NEGR1: variants seen among roughly 807,000 people sequenced by gnomAD.
NEGR1 encodes IgLON family member 4.
A neutral mutation model predicts 40.9 loss-of-function variants in NEGR1; 10 were observed. That is an observed-to-expected ratio of 0.24 (90% CI 0.15 to 0.42). The LOEUF (loss-of-function observed/expected upper bound fraction) is 0.42, where lower values mean the gene tolerates loss of function less well. Among genes scored for constraint, NEGR1 ranks in the 10% least tolerant of loss-of-function variants. The probability of loss-of-function intolerance (pLI) is 1.00; values close to 1 mark genes in which losing one functional copy is unlikely to be tolerated. For synonymous variants in NEGR1, 185 were observed against 166.8 expected (o/e 1.11, Z -0.84); for missense variants, 352 against 438.9 (o/e 0.80, Z 1.77).
intron 6 of NEGR1, among the ~76,000 whole-genome samples, chr1:71,558,901 C>A (rs1484808361): frequency 1.3e-5 from 2 of 150,384 alleles, no homozygotes; most frequent in Non-Finnish European, 3.0e-5. Context: ...CTAGTCACTA[C>A]TGGGGTGTCA....
At chr1:71,955,353 G>C (rs1024270724) in intron 1 of NEGR1, among the ~76,000 whole-genome samples, 1 of 152,070 alleles carries the variant, frequency 6.6e-6, no homozygotes, top group Admixed American at 6.6e-5. Flanking sequence ...CTATTAAGTG[G>C]TAGTGGATCA....
chr1:71,654,827 T>G (rs1651827995), intron 4 of NEGR1, among the ~76,000 whole-genome samples: 1 of 152,178 alleles, frequency 6.6e-6, no homozygotes, highest in Admixed American at 6.5e-5. Context: ...TACATAAATT[T>G]GGGAGGTCTG....
At chr1:72,023,948 T>C (rs1646782886) in intron 1 of NEGR1, among the ~76,000 whole-genome samples, 2 of 152,182 alleles carry the variant, frequency 1.3e-5, no homozygotes, top group South Asian at 4.1e-4. Context: ...AACTATTTGA[T>C]AGCTTACAAC....
At chr1:71,562,397 G>A (rs1315835947) in intron 6 of NEGR1, among the ~76,000 whole-genome samples, 1 of 143,950 alleles carries the variant, frequency 6.9e-6, no homozygotes, top group Non-Finnish European at 1.5e-5. Context: ...AATATGAAGA[G>A]CAAATATATT....
chr1:71,504,372 A>G (rs1647018807), intron 6 of NEGR1, among the ~76,000 whole-genome samples: 1 of 152,154 alleles, frequency 6.6e-6, no homozygotes, highest in Non-Finnish European at 1.5e-5. Context: ...GTCCAAAAAA[A>G]GACTAGATCA....
chr1:71,881,234 T>C (rs547989725), intron 2 of NEGR1, among the ~76,000 whole-genome samples: 5 of 152,010 alleles, frequency 3.3e-5, no homozygotes, highest in Non-Finnish European at 5.9e-5. Context: ...AGACAGTAAG[T>C]GTCTGATGCA....
At chr1:72,140,626 T>C (rs979511438) in intron 1 of NEGR1, among the ~76,000 whole-genome samples, 1 of 152,030 alleles carries the variant, frequency 6.6e-6, no homozygotes, top group Non-Finnish European at 1.5e-5. Context: ...ATTCAAACCA[T>C]GCAAAGTAGT....
intron 1 of NEGR1, among the ~76,000 whole-genome samples, chr1:72,267,459 C>T (rs1655685676): frequency 6.6e-6 from 1 of 151,142 alleles, no homozygotes; most frequent in South Asian, 2.1e-4. Context: ...TTGTGCCCTA[C>T]TTAAAGCTAG....
At chr1:71,883,317 T>C (rs1292929233) in intron 2 of NEGR1, among the ~76,000 whole-genome samples, 1 of 152,154 alleles carries the variant, frequency 6.6e-6, no homozygotes, top group African/African-American at 2.4e-5. Flanking sequence ...TTGAAATACC[T>C]GATTTACTAT....
intron 1 of NEGR1, among the ~76,000 whole-genome samples, chr1:72,231,641 C>A (rs1312254457): frequency 1.3e-5 from 2 of 152,090 alleles, no homozygotes; most frequent in Non-Finnish European, 2.9e-5. Context: ...TTGTAATGAT[C>A]CATTCCAGAA....
intron 6 of NEGR1, among the ~76,000 whole-genome samples, chr1:71,554,399 T>C (rs1025596974): frequency 6.6e-6 from 1 of 151,492 alleles, no homozygotes; most frequent in Non-Finnish European, 1.5e-5. Flanking sequence ...TCTTACACTT[T>C]ATTTAGCAGG....
intron 6 of NEGR1, among the ~76,000 whole-genome samples, chr1:71,573,083 C>T (rs1426280717): frequency 6.6e-6 from 1 of 152,136 alleles, no homozygotes; most frequent in Non-Finnish European, 1.5e-5. Context: ...ATGACATTGC[C>T]TCTGGTTTGG....
At chr1:71,692,818 A>G (rs554750101) in intron 4 of NEGR1, among the ~76,000 whole-genome samples, 16 of 151,954 alleles carry the variant, frequency 1.1e-4, no homozygotes, top group East Asian at 9.7e-4. Flanking sequence ...AACTTATTGG[A>G]TAAAAAACTT....
At chr1:72,228,749 T>C (rs894692306) in intron 1 of NEGR1, among the ~76,000 whole-genome samples, 5 of 152,140 alleles carry the variant, frequency 3.3e-5, no homozygotes, top group African/African-American at 9.6e-5. Context: ...CATGTTTTCA[T>C]TCAGCTGTAC....
intron 6 of NEGR1, among the ~76,000 whole-genome samples, chr1:71,539,489 T>C (rs1007348351): frequency 5.3e-5 from 8 of 151,744 alleles, no homozygotes; most frequent in Admixed American, 2.0e-4. Context: ...ACTGCATTTA[T>C]TTTGTAGAGG....
intron 1 of NEGR1, among the ~76,000 whole-genome samples, chr1:72,231,131 G>A (rs1047320464): frequency 6.6e-6 from 1 of 152,144 alleles, no homozygotes; most frequent in African/African-American, 2.4e-5. Context: ...GCAGATGGAA[G>A]AAAGTGATAG....
intron 4 of NEGR1, among the ~76,000 whole-genome samples, chr1:71,632,600 T>C (rs1002600716): frequency 4.0e-5 from 6 of 151,702 alleles, no homozygotes; most frequent in Admixed American, 2.6e-4. Context: ...TTGATTGATA[T>C]AGCATATTAT....
chr1:72,069,115 G>A (rs1647356698), intron 1 of NEGR1, among the ~76,000 whole-genome samples: 1 of 151,888 alleles, frequency 6.6e-6, no homozygotes, highest in African/African-American at 2.4e-5. Flanking sequence ...GTCAGTTTAA[G>A]TATGTAAACG....
At chr1:71,513,752 T>C (rs1033805175) in intron 6 of NEGR1, among the ~76,000 whole-genome samples, 1 of 152,118 alleles carries the variant, frequency 6.6e-6, no homozygotes, top group African/African-American at 2.4e-5. Flanking sequence ...AGCTCCGGTC[T>C]ACAGCTCCCA....
Sources: gnomAD v4.1 joint callset for allele counts (sites outside exome capture counted in the v4.1 genomes callset) on GRCh38, gnomAD v4.1.1 for gene constraint, MANE v1.5 for transcripts, NCBI Gene and HGNC (gene_info 2026-07-23, HGNC 2026-07-21) for gene names.